Variants in MTA2 observed in about 807,000 individuals in gnomAD.
MTA2 encodes metastasis associated 1 family member 2, also known as metastasis-associated protein MTA2.
MTA2 carries 22 observed loss-of-function variants against 87.1 expected under a neutral mutation model. That is an observed-to-expected ratio of 0.25 (90% CI 0.18 to 0.36). MTA2 has a LOEUF of 0.36. Ranked by LOEUF, MTA2 falls within the 10% of genes least tolerant of loss-of-function variation. MTA2 has a pLI of 1.00. For missense variants in MTA2, 542 were observed against 853.2 expected, an observed-to-expected ratio of 0.64 and a Z score of 4.54; for synonymous variants, 314 against 310.1, an observed-to-expected ratio of 1.01 and a Z score of -0.13.
chr11:62,598,375 C>A lies in MTA2; in HGVS notation c.324G>T (p.Val108=). ...PATHIRGKCS[V]TLLNETDILS... ...AGATATCTGTCTCATTCAAGAGGGTCACACTGCATTTCCCCCTATAGGAGA... is the reference window on the plus strand; with the variant it reads ...AGATATCTGTCTCATTCAAGAGGGTAACACTGCATTTCCCCCTATAGGAGA... Residue 108 remains valine, a synonymous_variant, in exon 5 of 18, where the codon GTG becomes GTT. Coordinates refer to ENST00000278823, the MANE Select transcript of MTA2 (RefSeq NM_004739.4). The A allele has an allele frequency of 6.2e-7, 1 of 1,614,140 alleles. No individual in the cohort carries two copies. The highest frequency in any genetic ancestry group is 8.5e-7 in the Non-Finnish European group (1 of 1,180,022).
Position 62,593,798 on chromosome 11 carries a change from A to T in MTA2, c.*77T>A. The T allele has an allele frequency of 6.4e-7, 1 of 1,556,816 alleles. No individual in the cohort carries two copies. Among genetic ancestry groups the T allele is most frequent in the Non-Finnish European group, 8.8e-7 (1 of 1,135,602 alleles). ...TAATTCACTCCTCACTCCCTTCGAC[A>T]CGAAAGGGAAGGGAGGTTTGGGTGC... On this transcript the variant is annotated 3_prime_UTR_variant, in exon 18 of 18. Transcript: ENST00000278823.
rs1202520749 is a variant in MTA2, at chr11:62,596,635, A to C, written c.882+2T>G. 1 of 1,612,022 alleles carries C rather than the reference A, an allele frequency of 6.2e-7. No individual in the cohort carries two copies. Among genetic ancestry groups the C allele is most frequent in the South Asian group, 1.1e-5 (1 of 90,854 alleles). On this transcript the variant is annotated splice_donor_variant, in intron 9 of 17. Coordinates refer to ENST00000278823, the MANE Select transcript of MTA2 (RefSeq NM_004739.4). LOFTEE classifies it high-confidence loss of function. ...CTTCTCCTCCTAGTGCCATCCACTTACAAAATCCTGGCGAATATCATTGAA... is the reference window on the plus strand; with the variant it reads ...CTTCTCCTCCTAGTGCCATCCACTTCCAAAATCCTGGCGAATATCATTGAA...
At chr11:62,601,212 C>G in intron 1 of MTA2, 1 of 607,030 alleles carries the variant, frequency 1.6e-6, no homozygotes, top group South Asian at 2.1e-5. Flanking sequence ...GCCGTCGGGG[C>G]TGCCCGCAGC....
rs1942211261 is a variant in MTA2 at position 62,601,783 on chromosome 11, C to G, written c.-333G>C. On this transcript the variant is annotated 5_prime_UTR_variant, in exon 1 of 18. Coordinates refer to ENST00000278823, the MANE Select transcript of MTA2 (RefSeq NM_004739.4). Reference sequence around the variant, plus strand: ...CCCACTAGTCGTTGGGCTCTGCCGGCCGCAGGGAAGGCTTGCCGGGCCCGC... The same window carrying G: ...CCCACTAGTCGTTGGGCTCTGCCGGGCGCAGGGAAGGCTTGCCGGGCCCGC... 1 of 506,412 alleles carries G rather than the reference C, an allele frequency of 2.0e-6. No homozygotes were observed. The highest frequency in any genetic ancestry group is 3.4e-6 in the Non-Finnish European group (1 of 291,070). The allele number at this position is 506,412 out of a possible 1,614,324, so 31.4% of individuals were successfully genotyped here.
rs747259277 is a variant in MTA2 at position 62,600,339 on chromosome 11, CAAAT to C, written c.97-84_97-81del. The C allele has an allele frequency of 7.9e-6, 10 of 1,271,362 alleles. No homozygotes were observed. In the East Asian group the frequency reaches 2.1e-4, roughly 27 times the overall value. The allele number at this position is 1,271,362 out of a possible 1,614,324, so 78.8% of individuals were successfully genotyped here. On this transcript the variant is annotated intron_variant, in intron 2 of 17. Coordinates refer to ENST00000278823, the MANE Select transcript of MTA2 (RefSeq NM_004739.4). Reference sequence around the variant, plus strand: ...CTGGGAACAGAAATGCACAAAGAGACAAATAACAGTAAGTTTCAGAGGGACCTAA... The same window carrying C: ...CTGGGAACAGAAATGCACAAAGAGACAACAGTAAGTTTCAGAGGGACCTAA...
In MTA2 at chr11:62,593,933, G is replaced by C. The variant is rs1444892642; in HGVS notation, c.1949C>G (p.Pro650Arg). The stretch of plus-strand genomic sequence containing the variant: ...GGCAGGATGTGAGGGTGCAGGTAGA[G>C]GGACAGGGGGCCGCACTGCAATCAG... ...PTLIAVRPPV[P>R]LPAPSHPAST... Residue 650 changes from proline to arginine, a missense_variant, in exon 18 of 18, where the codon CCT (proline) becomes CGT (arginine). Physicochemically the swap from Pro to Arg is moderately radical, Grantham distance 103. This residue lies in a region of MTA2 where 269 missense variants were observed against 346.4 expected (regional missense o/e 0.78). Coordinates refer to ENST00000278823, the MANE Select transcript of MTA2 (RefSeq NM_004739.4). The C allele has an allele frequency of 6.2e-7, 1 of 1,614,210 alleles. No homozygotes were observed. The highest frequency in any genetic ancestry group is 8.5e-7 in the Non-Finnish European group (1 of 1,180,042).
rs764019853 is a variant in MTA2 at position 62,594,322 on chromosome 11, C to T, written c.1778G>A (p.Arg593His). ...GGCATCAGCTGGGTTTAGTTTCTGACGCTTGGCTGCTGGCTGTGAGCTTGA... is the reference window on the plus strand; with the variant it reads ...GGCATCAGCTGGGTTTAGTTTCTGATGCTTGGCTGCTGGCTGTGAGCTTGA... Reference protein sequence around the residue: ...IRSSSQPAAKRQKLNPADAPN... With the variant: ...IRSSSQPAAKHQKLNPADAPN... Residue 593 changes from arginine (R) to histidine (H), a missense_variant, in exon 17 of 18, where the codon CGT (arginine) becomes CAT (histidine). This residue lies in a region of MTA2 where 269 missense variants were observed against 346.4 expected (regional missense o/e 0.78). Coordinates refer to ENST00000278823, the MANE Select transcript of MTA2 (RefSeq NM_004739.4). 1.4e-5 allele frequency: 22 copies of T among 1,614,070 alleles called. No individual in the cohort carries two copies. Among genetic ancestry groups the T allele is most frequent in the African/African-American group, 1.2e-4 (9 of 74,912 alleles).
chr11:62,601,739 AC>A lies in MTA2; in HGVS notation c.-290del. The A allele has an allele frequency of 2.0e-6, 1 of 502,466 alleles. No individual in the cohort carries two copies. The highest frequency in any genetic ancestry group is 3.5e-5 in the East Asian group (1 of 28,394). 31.1% of individuals were successfully genotyped at this position (502,466 alleles called of 1,614,324 possible). A position where few individuals can be genotyped will look rare whatever the true frequency, so the allele number is the denominator to read the frequency against. On this transcript the variant is annotated 5_prime_UTR_variant, in exon 1 of 18. Coordinates refer to ENST00000278823, the MANE Select transcript of MTA2 (RefSeq NM_004739.4). ...GCCAGGCCAGAGCCAGGCTCCAGCTACCCCCGCCCCCGCGGAGTCCCACTAG... is the reference window on the plus strand; with the variant it reads ...GCCAGGCCAGAGCCAGGCTCCAGCTACCCCGCCCCCGCGGAGTCCCACTAG...
At position 62,598,597 on chromosome 11, in the gene MTA2, T is replaced by G. The variant is rs777008847; in HGVS notation, c.233A>C (p.Gln78Pro). The change falls in exon 4 of 18, where the codon CAG (glutamine) becomes CCG (proline). Residue 78 changes from glutamine to proline, a missense_variant. Physicochemically the swap from Gln to Pro is moderately conservative, Grantham distance 76. Transcript: ENST00000278823. Reference sequence around the variant, plus strand: ...CCGGTGCTTCAGTTGATGGCGCTGCTGCTCAGACACCCCTGGCTGCTTTGA... The same window carrying G: ...CCGGTGCTTCAGTTGATGGCGCTGCGGCTCAGACACCCCTGGCTGCTTTGA... The part of the protein sequence containing the change: ...EESKQPGVSE[Q>P]QRHQLKHREL... 3 of 1,614,152 alleles carry G rather than the reference T, an allele frequency of 1.9e-6. No homozygotes were observed. Among genetic ancestry groups the G allele is most frequent in the Admixed American group, 1.7e-5 (1 of 60,024 alleles).
At chr11:62,601,222 C>T in intron 1 of MTA2, 1 of 640,958 alleles carries the variant, frequency 1.6e-6, no homozygotes, top group Non-Finnish European at 2.6e-6. Flanking sequence ...CTGCCCGCAG[C>T]TTCTCTCTGG....
rs925936538 is a variant in MTA2, at chr11:62,601,800, C to G, written c.-350G>C. ...TCTGCCGGCCGCAGGGAAGGCTTGCCGGGCCCGCCTCAGGGTTCGCCTCCT... is the reference window on the plus strand; with the variant it reads ...TCTGCCGGCCGCAGGGAAGGCTTGCGGGGCCCGCCTCAGGGTTCGCCTCCT... On this transcript the variant is annotated 5_prime_UTR_variant, in exon 1 of 18. Coordinates refer to ENST00000278823, the MANE Select transcript of MTA2 (RefSeq NM_004739.4). 1.4e-4 allele frequency: 72 copies of G among 502,806 alleles called. No homozygotes were observed. Among genetic ancestry groups the G allele is most frequent in the Non-Finnish European group, 2.1e-4 (60 of 289,050 alleles). 31.1% of individuals were successfully genotyped at this position (502,806 alleles called of 1,614,324 possible). A position where few individuals can be genotyped will look rare whatever the true frequency, so the allele number is the denominator to read the frequency against.
chr11:62,594,471 A>T (rs1942069725), intron 16 of MTA2, 45 bp downstream of exon 16: 1 of 1,612,958 alleles, frequency 6.2e-7, no homozygotes, highest in East Asian at 2.2e-5. Context: ...TGAGAGACAA[A>T]AGCCCACCCA....
At position 62,601,496 on chromosome 11, in the gene MTA2, G is replaced by A. The variant is rs1228831376; in HGVS notation, c.-46C>T. 1.9e-6 allele frequency: 3 copies of A among 1,589,918 alleles called. No individual in the cohort carries two copies. Among genetic ancestry groups the A allele is most frequent in the Non-Finnish European group, 2.6e-6 (3 of 1,170,420 alleles). ...CCGGCCGCACAAAGGGGTCCGGGAG[G>A]CTCGCGGGGGCAGGGCTCGGCTCGA... On this transcript the variant is annotated 5_prime_UTR_variant, in exon 1 of 18. Transcript: ENST00000278823.
chr11:62,600,559 G>A (rs953809785), intron 2 of MTA2, 63 bp downstream of exon 2: 4 of 1,456,886 alleles, frequency 2.7e-6, no homozygotes, highest in Non-Finnish European at 9.5e-7. Context: ...TCTTCCACCA[G>A]AAGTTAGAAA....
In MTA2 at chr11:62,595,915, G is replaced by C; in HGVS notation, c.1115-24C>G. ...GGCTGTAGAGTACGGAGAGGAGGGG[G>C]ACAGGGAAGAAGCATACTACCTAAG... On this transcript the variant is annotated intron_variant, in intron 12 of 17. Coordinates refer to ENST00000278823, the MANE Select transcript of MTA2 (RefSeq NM_004739.4). This position sits in a 1 kb window ranked among gnomAD's most constrained non-coding sequence, Gnocchi z 4.9. The C allele has an allele frequency of 1.2e-6, 2 of 1,614,078 alleles. No homozygotes were observed. Among genetic ancestry groups the C allele is most frequent in the Non-Finnish European group, 1.7e-6 (2 of 1,180,014 alleles).
Position 62,595,343 on chromosome 11 carries a change from C to T in MTA2, c.1404G>A (p.Met468Ile), listed in dbSNP as rs763296083. 1.9e-6 allele frequency: 3 copies of T among 1,614,216 alleles called. No homozygotes were observed. The South Asian group carries it at 3.3e-5, about 18-fold the overall frequency. Reference protein sequence around the residue: ...TTKLTRLARRMCRDLLQPRRA... With the variant: ...TTKLTRLARRICRDLLQPRRA... ...TCCTTGGCTGTAATAGGTCCCTGCA[C>T]ATGCGTCTGGCAAGACGGGTCAGCT... The change falls in exon 14 of 18, where the codon ATG (methionine) becomes ATA (isoleucine). Residue 468 changes from methionine (M) to isoleucine (I), a missense_variant. Coordinates refer to ENST00000278823, the MANE Select transcript of MTA2 (RefSeq NM_004739.4). The surrounding 1 kb of genome is among the most constrained non-coding windows in gnomAD (Gnocchi z 4.9).
Position 62,593,569 on chromosome 11 carries a change from TA to T in MTA2, c.*305del, listed in dbSNP as rs1162336372. On this transcript the variant is annotated 3_prime_UTR_variant, in exon 18 of 18. Transcript: ENST00000278823. Reference sequence around the variant, plus strand: ...CTTTCACAAAGGGAGGCAAAATTTTTAAAAAATTAAAAAACCCTCCCCCCAA... The same window carrying T: ...CTTTCACAAAGGGAGGCAAAATTTTTAAAAATTAAAAAACCCTCCCCCCAA... The T allele has an allele frequency of 6.7e-5, 16 of 238,938 alleles. No homozygotes were observed. Among genetic ancestry groups the T allele is most frequent in the Non-Finnish European group, 6.5e-5 (8 of 123,342 alleles). The allele number at this position is 238,938 out of a possible 1,614,324, so 14.8% of individuals were successfully genotyped here.
At position 62,598,309 on chromosome 11, in the gene MTA2, T is replaced by C. The variant is rs532400443; in HGVS notation, c.372+18A>G. The C allele has an allele frequency of 2.5e-6, 4 of 1,613,314 alleles. No homozygotes were observed. The Admixed American group carries it at 5.0e-5, about 20-fold the overall frequency. ...AATACCCATTCCCCTCGCTCTTCTC[T>C]CAACATCTCTTTCTCACCTCCTTTT... On this transcript the variant is annotated intron_variant, in intron 5 of 17. Transcript: ENST00000278823.
chr11:62,593,910 C>T lies in MTA2; in HGVS notation c.1972G>A (p.Ala658Thr), dbSNP rs113716257. 3 of 1,614,168 alleles carry T rather than the reference C, an allele frequency of 1.9e-6. No homozygotes were observed. The highest frequency in any genetic ancestry group is 4.5e-5 in the East Asian group (2 of 44,882). Residue 658 changes from alanine (A) to threonine (T), a missense_variant, in exon 18 of 18, where the codon GCC (alanine) becomes ACC (threonine). By Grantham distance (58) the Ala-to-Thr change is moderately conservative. Around this residue, in one of 6 missense-constraint regions of MTA2, gnomAD observed 269 missense variants for 346.4 expected, o/e 0.78. Coordinates refer to ENST00000278823, the MANE Select transcript of MTA2 (RefSeq NM_004739.4). Reference sequence around the variant, plus strand: ...AGGACAATAGGCTCATTGGTGCTGGCAGGATGTGAGGGTGCAGGTAGAGGG... The same window carrying T: ...AGGACAATAGGCTCATTGGTGCTGGTAGGATGTGAGGGTGCAGGTAGAGGG... ...PVPLPAPSHP[A>T]STNEPIVLED is the part of the protein sequence containing the mutation.
Sources: gnomAD v4.1 joint callset for allele counts on GRCh38, gnomAD v4.1.1 for gene constraint, gnomAD v4.1.1 regional missense constraint, Gnocchi (gnomAD v3.1) non-coding constraint, MANE v1.5 for transcripts, NCBI Gene and HGNC (gene_info 2026-07-23, HGNC 2026-07-21) for gene names.